NBPF20: variants seen among roughly 807,000 people sequenced by gnomAD.
The protein encoded by NBPF20 is NBPF family member NBPF20.
A neutral mutation model predicts 68.1 loss-of-function variants in NBPF20; 90 were observed. That is an observed-to-expected ratio of 1.32 (90% confidence interval 1.11 to 1.58). The LOEUF (loss-of-function observed/expected upper bound fraction) is 1.58, where lower values mean the gene tolerates loss of function less well. NBPF20 is among the 40% of genes most tolerant of loss of function. The pLI, the probability that NBPF20 is intolerant of heterozygous loss-of-function variation, is 0.00. For synonymous variants in NBPF20, 290 were observed against 228.1 expected (o/e 1.27, Z -2.45); for missense variants, 816 against 601.2 (o/e 1.36, Z -3.74).
At chr1:145,393,785 C>G (rs1213483409) in intron 9 of NBPF20, 99 bp downstream of exon 14, 4 of 1,398,126 alleles carry the variant, frequency 2.9e-6, no homozygotes, top group East Asian at 2.3e-5. Flanking sequence ...ACTTGTCTGA[C>G]AAGACAAAAT....
the NBPF20 span, among the ~76,000 whole-genome samples, chr1:145,419,721 C>T: frequency 1.3e-5 from 2 of 152,100 alleles, no homozygotes; most frequent in Admixed American, 1.3e-4. Context: ...TTCTTTCTCC[C>T]CCTCTCAATG....
At chr1:145,394,497 A>G (rs1170234379) in intron 8 of NBPF20, among the ~76,000 whole-genome samples, 5 of 152,156 alleles carry the variant, frequency 3.3e-5, no homozygotes, top group Admixed American at 3.3e-4. Context: ...AAGACACAGA[A>G]AATGGGAATA....
chr1:145,352,244 G>A (rs1454349871), intron 61 of NBPF20, among the ~76,000 whole-genome samples, 155 bp from the exon 67 acceptor site: 2 of 59,400 alleles, frequency 3.4e-5, no homozygotes, highest in African/African-American at 6.9e-5. Flanking sequence ...TGTTGGGACA[G>A]AACAGGGCCA....
At chr1:145,334,886 G>A (rs1350955656) in intron 83 of NBPF20, among the ~76,000 whole-genome samples, 11 of 136,780 alleles carry the variant, frequency 8.0e-5, no homozygotes, top group Admixed American at 1.5e-4. Flanking sequence ...CGAGTTGGCC[G>A]GGTGACACAC....
intron 6 of NBPF20, 133 bp downstream of exon 11, chr1:145,400,256 A>T: frequency 1.9e-6 from 3 of 1,582,986 alleles, no homozygotes; most frequent in Non-Finnish European, 2.6e-6. Flanking sequence ...AGGACAAAAA[A>T]AGTCCCTGAT....
rs1662570512 is a variant in NBPF20, at chr1:145,402,497, G to T, written c.279-116C>A. The T allele has an allele frequency of 7.6e-6, 8 of 1,057,788 alleles. No individual in the cohort carries two copies. In the Admixed American group the frequency reaches 1.4e-4, roughly 18 times the overall value. 65.5% of individuals were successfully genotyped at this position (1,057,788 alleles called of 1,614,324 possible). ...AAGGAGACCTCGAAGCAGAAGGTCA[G>T]CACATGTTTAAAGGAATGTCTGTGG... On this transcript the variant is annotated intron_variant, in intron 3 of 137. Transcript: ENST00000369373.
At chr1:145,394,433 T>C (rs1262997092) in intron 8 of NBPF20, among the ~76,000 whole-genome samples, 2 of 152,172 alleles carry the variant, frequency 1.3e-5, no homozygotes, top group Admixed American at 6.5e-5. Context: ...GCCATTTATC[T>C]AGAAAACATA....
At chr1:145,422,733 A>G in the NBPF20 span, among the ~76,000 whole-genome samples, 1 of 152,206 alleles carries the variant, frequency 6.6e-6, no homozygotes, top group Non-Finnish European at 1.5e-5. Context: ...TCATGCCTGT[A>G]ATCCCCACAC....
the NBPF20 span, among the ~76,000 whole-genome samples, chr1:145,410,700 A>ATGTGTG: frequency 1.3e-3 from 155 of 118,298 alleles, 1 homozygote; most frequent in African/African-American, 2.6e-3. Context: ...ATATATATAT[A>ATGTGTG]TGTGTGTGTG....
intron 7 of NBPF20, among the ~76,000 whole-genome samples, chr1:145,396,475 A>T (rs1292689237): frequency 6.6e-6 from 1 of 151,202 alleles, no homozygotes; most frequent in Non-Finnish European, 1.5e-5. Context: ...AGGAAGGCCA[A>T]CATTCAAATT....
At chr1:145,415,026 T>G in the NBPF20 span, among the ~76,000 whole-genome samples, 848 of 134,136 alleles carry the variant, frequency 6.3e-3, no homozygotes, top group African/African-American at 9.3e-3. Context: ...ATGCCGGCAC[T>G]GGCCTCTGAG....
the NBPF20 span, among the ~76,000 whole-genome samples, chr1:145,419,059 G>GGGAA: frequency 1.7e-4 from 24 of 145,078 alleles, no homozygotes; most frequent in African/African-American, 6.2e-4. Context: ...AATGGAGGGA[G>GGGAA]GGAAGGAAGG....
chr1:145,392,999 G>A, intron 10 of NBPF20, 75 bp downstream of exon 15: 2 of 364,158 alleles, frequency 5.5e-6, no homozygotes, highest in South Asian at 4.4e-5. Flanking sequence ...CTCAGTAAGG[G>A]CCACTTGCAG....
chr1:145,393,346 A>T, intron 9 of NBPF20, 100 bp from the exon 15 acceptor site: 2 of 701,422 alleles, frequency 2.9e-6, no homozygotes, highest in South Asian at 1.6e-5. Context: ...GTTTGAAAAG[A>T]AAAAGGACAG....
chr1:145,410,688 CAATATA>C, the NBPF20 span, among the ~76,000 whole-genome samples: 3 of 86,468 alleles, frequency 3.5e-5, no homozygotes, highest in South Asian at 4.3e-4. Flanking sequence ...TATCAGACTG[CAATATA>C]TATATATGTG....
exon 6 of NBPF20, chr1:145,400,546 C>T (rs1662473060): frequency 6.8e-6 from 11 of 1,612,618 alleles, no homozygotes; most frequent in Non-Finnish European, 9.3e-6. Context: ...TGGCACATTC[C>T]TCCTGTGAGT....
the NBPF20 span, among the ~76,000 whole-genome samples, chr1:145,422,852 G>T: frequency 6.6e-6 from 1 of 151,284 alleles, no homozygotes; most frequent in Admixed American, 6.6e-5. Flanking sequence ...AGCCAGGCAT[G>T]GTGGCACACT....
upstream of NBPF20, chr1:145,405,663 A>G: frequency 1.8e-6 from 1 of 562,050 alleles, no homozygotes; most frequent in Non-Finnish European, 3.1e-6. Flanking sequence ...CAGGCACCCT[A>G]GTCTCACCTG....
At chr1:145,341,481 C>A (rs1182465136) in intron 75 of NBPF20, 83 bp downstream of exon 80, 1,308 of 4,316 alleles carry the variant, frequency 0.3, 1 homozygote, top group Middle Eastern at 0.4. Context: ...GAAAACATGA[C>A]ATCAAACACA....
Sources: allele counts gnomAD v4.1 joint callset (sites outside exome capture counted in the v4.1 genomes callset), GRCh38; gene constraint gnomAD v4.1.1; transcripts MANE v1.5; gene names NCBI Gene and HGNC (gene_info 2026-07-23, HGNC 2026-07-21).